The following DTX4 variants were observed in gnomAD, a reference collection of about 807,000 sequenced individuals.
The protein encoded by DTX4 is E3 ubiquitin-protein ligase DTX4.
DTX4 carries 28 observed loss-of-function variants against 57.6 expected under a neutral mutation model. The ratio of observed to expected loss-of-function variants is 0.49; its 90% CI spans 0.36 to 0.67. The LOEUF (loss-of-function observed/expected upper bound fraction) is 0.67, where lower values mean the gene tolerates loss of function less well. Ranked by LOEUF, DTX4 falls within the 30% of genes least tolerant of loss-of-function variation. The pLI is 0.00. For missense variants in DTX4, 715 were observed against 836.8 expected (o/e 0.85, Z 1.80); for synonymous variants, 316 against 331.0 (o/e 0.95, Z 0.49).
At chr11:59,198,613 A>C (rs1862703072) in intron 7 of DTX4, among the ~76,000 whole-genome samples, 1 of 152,166 alleles carries the variant, frequency 6.6e-6, no homozygotes, top group Admixed American at 6.5e-5. Context: ...GAAAAAGAAA[A>C]ATCTGGGTTT....
rs1406032890 is a variant in DTX4, at chr11:59,189,181, G to A, written c.1017G>A (p.Met339Ile). Reference protein sequence around the residue: ...PALAGITGILMSAAGLPVCLT... With the variant: ...PALAGITGILISAAGLPVCLT... Reference sequence around the variant, plus strand: ...TTCCAGGAATCACTGGGATCCTCATGAGTGCAGCGGGGCTGCCTGTGTGTC... The same window carrying A: ...TTCCAGGAATCACTGGGATCCTCATAAGTGCAGCGGGGCTGCCTGTGTGTC... The change falls in exon 4 of 9, where the codon ATG (methionine) becomes ATA (isoleucine). Residue 339 changes from methionine to isoleucine, a missense_variant. Coordinates refer to ENST00000227451, the MANE Select transcript of DTX4 (RefSeq NM_015177.2). The A allele has an allele frequency of 1.2e-6, 2 of 1,613,520 alleles. No individual in the cohort carries two copies. Among genetic ancestry groups the A allele is most frequent in the Non-Finnish European group, 8.5e-7 (1 of 1,179,870 alleles).
chr11:59,198,793 G>T (rs779078476), intron 7 of DTX4, among the ~76,000 whole-genome samples: 1 of 152,206 alleles, frequency 6.6e-6, no homozygotes, highest in Non-Finnish European at 1.5e-5. Context: ...CCATCCCTCA[G>T]GGGGTCAGGG....
At chr11:59,180,473 C>A (rs1377762598) in intron 1 of DTX4, among the ~76,000 whole-genome samples, 1 of 152,178 alleles carries the variant, frequency 6.6e-6, no homozygotes, top group African/African-American at 2.4e-5. Context: ...TCTTTTCTTC[C>A]CCCCTTGAAT....
chr11:59,198,715 T>A (rs1373354665), intron 7 of DTX4, among the ~76,000 whole-genome samples: 1 of 152,228 alleles, frequency 6.6e-6, no homozygotes, highest in African/African-American at 2.4e-5. Flanking sequence ...TGAGAACTTG[T>A]GCCAAGAGCT....
rs1397005134 is a variant in DTX4, at chr11:59,206,527, A to ATATATT, written c.*1621_*1622insATTTAT. On this transcript the variant is annotated 3_prime_UTR_variant, in exon 9 of 9. Transcript: ENST00000227451. ...GTTTGACGTATATATATATATATAT[A>ATATATT]TATGCATATATATTTCATAATATTT... The ATATATT allele has an allele frequency of 1.3e-5, 2 of 150,012 alleles. No individual in the cohort carries two copies. Among genetic ancestry groups the ATATATT allele is most frequent in the Non-Finnish European group, 3.0e-5 (2 of 67,598 alleles). The allele number at this position is 150,012 out of a possible 1,614,324, so 9.3% of individuals were successfully genotyped here.
At chr11:59,183,987 T>TTTTG (rs1862497183) in intron 2 of DTX4, among the ~76,000 whole-genome samples, 1 of 152,188 alleles carries the variant, frequency 6.6e-6, no homozygotes, top group Non-Finnish European at 1.5e-5. Context: ...GGAACCCAGG[T>TTTTG]TTTGGCCTCC....
In DTX4 at chr11:59,194,992, G is replaced by T. The variant is rs144250816; in HGVS notation, c.1375-216G>T. On this transcript the variant is annotated intron_variant, in intron 6 of 8. Transcript: ENST00000227451. ...CTTCTCTTACATATCCCTCAGCATG[G>T]AGCATGGGACCAGTTGTGGAATTTA... 2,068 of 593,068 alleles carry T rather than the reference G, an allele frequency of 3.5e-3. 3 individuals are homozygous for T. Among genetic ancestry groups the T allele is most frequent in the Non-Finnish European group, 4.5e-3 (1,510 of 334,248 alleles). 36.7% of individuals were successfully genotyped at this position (593,068 alleles called of 1,614,324 possible).
chr11:59,195,408 T>G, intron 7 of DTX4, 39 bp downstream of exon 7: 2 of 1,561,682 alleles, frequency 1.3e-6, no homozygotes, highest in Non-Finnish European at 1.7e-6. Context: ...TGTCACCCCT[T>G]GGTTTTTATT....
At chr11:59,194,009 T>C (rs1253243344) in intron 6 of DTX4, among the ~76,000 whole-genome samples, 1 of 152,152 alleles carries the variant, frequency 6.6e-6, no homozygotes, top group East Asian at 1.9e-4. Context: ...AGCCTGGGAA[T>C]AGGATTCGGT....
At chr11:59,184,981 CCTCCT>C (rs530018991) in intron 2 of DTX4, among the ~76,000 whole-genome samples, 3 of 152,210 alleles carry the variant, frequency 2.0e-5, no homozygotes, top group Non-Finnish European at 4.4e-5. Context: ...CCCCTTTCCC[CCTCCT>C]CTCTCTGCCC....
rs978092319 is a variant in DTX4, at chr11:59,182,077, C to T, written c.550C>T (p.Pro184Ser). 5.6e-6 allele frequency: 9 copies of T among 1,612,082 alleles called. No homozygotes were observed. Among genetic ancestry groups the T allele is most frequent in the African/African-American group, 1.3e-5 (1 of 74,924 alleles). The change falls in exon 2 of 9, where the codon CCC (proline) becomes TCC (serine). Residue 184 changes from proline (P) to serine (S), a missense_variant. Transcript: ENST00000227451. ...WPVSPGPATS[P>S]PMSPCSCPQC... ...AGTCAGCCCTGGGCCAGCCACCTCG[C>T]CCCCCATGTCCCCCTGCTCCTGTCC...
chr11:59,187,709 A>G (rs1862545216), intron 2 of DTX4, among the ~76,000 whole-genome samples: 2 of 152,174 alleles, frequency 1.3e-5, no homozygotes, highest in African/African-American at 4.8e-5. Flanking sequence ...TGTGGGTGAC[A>G]GAGAGGATGG....
intron 1 of DTX4, among the ~76,000 whole-genome samples, chr11:59,174,499 T>G (rs1269950721): frequency 1.8e-5 from 1 of 55,682 alleles, no homozygotes; most frequent in Non-Finnish European, 3.0e-5. Flanking sequence ...ATTCCAGTCC[T>G]GGAAAAAAAA....
intron 7 of DTX4, among the ~76,000 whole-genome samples, chr11:59,196,959 C>T (rs879356237): frequency 5.9e-5 from 9 of 152,142 alleles, no homozygotes; most frequent in African/African-American, 1.2e-4. Flanking sequence ...CCCACCACCC[C>T]GGTCCATTGA....
intron 4 of DTX4, among the ~76,000 whole-genome samples, chr11:59,190,397 T>A (rs1416195439): frequency 1.3e-5 from 2 of 152,216 alleles, no homozygotes; most frequent in Non-Finnish European, 2.9e-5. Context: ...CATCCCCATT[T>A]CATAGGTGAG....
chr11:59,195,064 T>C, intron 6 of DTX4, 144 bp from the exon 7 acceptor site: 1 of 825,170 alleles, frequency 1.2e-6, no homozygotes, highest in Non-Finnish European at 2.0e-6. Context: ...GTGACTGGGC[T>C]GGGAGGGAAA....
Position 59,195,382 on chromosome 11 carries a change from C to G in DTX4, c.1536+13C>G, listed in dbSNP as rs1247364326. The G allele has an allele frequency of 6.3e-7, 1 of 1,592,508 alleles. No individual in the cohort carries two copies. The highest frequency in any genetic ancestry group is 1.7e-5 in the Admixed American group (1 of 57,214). On this transcript the variant is annotated intron_variant, in intron 7 of 8. Transcript: ENST00000227451. ...CCCCGGCATTCAGGTGAGCCTTTCT[C>G]TCAGGTGAGCCTTTCTGTCACCCCT...
chr11:59,194,980 T>C, intron 6 of DTX4: 1 of 567,178 alleles, frequency 1.8e-6, no homozygotes, highest in East Asian at 3.1e-5. Context: ...CTCTTACATA[T>C]CCCTCAGCAT....
upstream of DTX4, among the ~76,000 whole-genome samples, chr11:59,171,915 G>A (rs542363561): frequency 6.7e-4 from 102 of 152,302 alleles, no homozygotes; most frequent in African/African-American, 2.3e-3. Context: ...GTGGTCCCGG[G>A]GCCGTGTCAT....
Sources: gnomAD v4.1 joint callset for allele counts (sites outside exome capture counted in the v4.1 genomes callset) on GRCh38, gnomAD v4.1.1 for gene constraint, MANE v1.5 for transcripts, NCBI Gene and HGNC (gene_info 2026-07-23, HGNC 2026-07-21) for gene names.